The following CYRIA variants were observed in gnomAD, a reference collection of about 807,000 sequenced individuals.
CYRIA encodes the protein CYFIP related Rac1 interactor A.
A neutral mutation model predicts 43.9 loss-of-function variants in CYRIA; 15 were observed. That is an observed-to-expected ratio of 0.34 (90% CI 0.23 to 0.53). The LOEUF (loss-of-function observed/expected upper bound fraction) is 0.53. CYRIA is among the 20% of genes least tolerant of loss of function. The pLI, the probability that CYRIA is intolerant of heterozygous loss-of-function variation, is 0.94. For synonymous variants in CYRIA, 117 were observed against 136.0 expected, an observed-to-expected ratio of 0.86 and a Z score of 0.97; for missense variants, 236 against 394.2, an observed-to-expected ratio of 0.60 and a Z score of 3.40.
intron 1 of CYRIA, among the ~76,000 whole-genome samples, chr2:16,633,444 C>T (rs1051659515): frequency 4.6e-5 from 7 of 150,834 alleles, no homozygotes; most frequent in Admixed American, 1.3e-4. Context: ...GACAGGGTCT[C>T]GTTCTGTCAC....
chr2:16,611,983 CA>C (rs1485648222), intron 2 of CYRIA, among the ~76,000 whole-genome samples: 3 of 152,148 alleles, frequency 2.0e-5, no homozygotes, highest in Admixed American at 2.0e-4. Context: ...CCCAGTCCTG[CA>C]GGGGGGACTC....
intron 2 of CYRIA, among the ~76,000 whole-genome samples, chr2:16,609,288 G>C (rs377364888): frequency 1.2e-4 from 18 of 152,124 alleles, no homozygotes; most frequent in African/African-American, 4.3e-4. Context: ...GGGACCCCTG[G>C]GGCCCCAGGC....
At chr2:16,578,555 G>A (rs985180323) in intron 3 of CYRIA, among the ~76,000 whole-genome samples, 1 of 152,136 alleles carries the variant, frequency 6.6e-6, no homozygotes, top group Non-Finnish European at 1.5e-5. Flanking sequence ...TATTTATTAG[G>A]TTGGTGCAAA....
At chr2:16,644,280 G>A (rs190099215) in intron 1 of CYRIA, among the ~76,000 whole-genome samples, 199 of 152,290 alleles carry the variant, frequency 1.3e-3, no homozygotes, top group African/African-American at 2.4e-3. Flanking sequence ...GTAGAGAGCC[G>A]ATGTGAGTGA....
intron 2 of CYRIA, chr2:16,623,162 T>C (rs1252745441): frequency 6.6e-6 from 1 of 152,336 alleles, no homozygotes; most frequent in East Asian, 1.9e-4. Flanking sequence ...TGTGTTAATA[T>C]ACCACAATCC....
chr2:16,606,355 T>C lies in CYRIA; in HGVS notation c.-11+17509A>G, dbSNP rs924165519. Among the ~76,000 whole-genome samples the C allele has an allele frequency of 4.6e-5, 7 of 151,426 alleles. No homozygotes were observed. In the East Asian group the frequency reaches 7.8e-4, roughly 17 times the overall value. ...CCCTTAGATCCATTCCTCTTCCCGA[T>C]GCCCTTCTCTTGGGTGTCCTCCTCC... On this transcript the variant is annotated intron_variant, in intron 2 of 11. Coordinates refer to ENST00000381323, the MANE Select transcript of CYRIA (RefSeq NM_030797.4).
intron 1 of CYRIA, among the ~76,000 whole-genome samples, chr2:16,625,020 G>C (rs1669114729): frequency 6.6e-6 from 1 of 152,192 alleles, no homozygotes. Context: ...TATATAGTTT[G>C]TTACTAGGGC....
At chr2:16,555,027 G>T (rs370310554) in intron 11 of CYRIA, 42 bp downstream of exon 11, 147 of 1,558,886 alleles carry the variant, frequency 9.4e-5, no homozygotes, top group Non-Finnish European at 1.3e-4. Flanking sequence ...GGCCCTGAAA[G>T]GCTGGCTGTT....
chr2:16,582,195 C>T (rs1243005596), intron 3 of CYRIA, among the ~76,000 whole-genome samples: 1 of 151,874 alleles, frequency 6.6e-6, no homozygotes, highest in African/African-American at 2.4e-5. Context: ...TAAATTATGT[C>T]CCAATGAAAA....
At chr2:16,611,263 G>A (rs551902242) in intron 2 of CYRIA, among the ~76,000 whole-genome samples, 9 of 152,064 alleles carry the variant, frequency 5.9e-5, no homozygotes, top group Non-Finnish European at 1.2e-4. Context: ...TACTTGGGAG[G>A]CTGAGGCAGG....
chr2:16,607,394 G>C (rs1216754646), intron 2 of CYRIA, among the ~76,000 whole-genome samples: 1 of 152,180 alleles, frequency 6.6e-6, no homozygotes, highest in African/African-American at 2.4e-5. Context: ...GACGAAGTTA[G>C]CCATGGTTAG....
chr2:16,586,647 C>G (rs967882544), intron 3 of CYRIA, among the ~76,000 whole-genome samples: 3 of 101,672 alleles, frequency 3.0e-5, no homozygotes, highest in African/African-American at 1.6e-4. Context: ...GCCAAAGACA[C>G]CAAAAAAAAA....
intron 2 of CYRIA, among the ~76,000 whole-genome samples, chr2:16,593,822 C>A (rs1248914717): frequency 1.4e-5 from 2 of 145,636 alleles, no homozygotes; most frequent in East Asian, 4.0e-4. Context: ...GTGCGCTGCA[C>A]CCACTAATGT....
chr2:16,663,986 A>T (rs1423717009), intron 1 of CYRIA, among the ~76,000 whole-genome samples: 1 of 152,242 alleles, frequency 6.6e-6, no homozygotes, highest in East Asian at 1.9e-4. Context: ...AATCAATGTG[A>T]CCTTAGGGAA....
At chr2:16,660,860 G>A (rs1670234066) in intron 1 of CYRIA, among the ~76,000 whole-genome samples, 1 of 152,220 alleles carries the variant, frequency 6.6e-6, no homozygotes, top group Admixed American at 6.5e-5. Flanking sequence ...TAAACACACT[G>A]CTGGGAAACA....
intron 10 of CYRIA, 22 bp downstream of exon 10, chr2:16,559,438 C>T (rs1666647422): frequency 2.5e-6 from 4 of 1,608,014 alleles, no homozygotes; most frequent in African/African-American, 1.3e-5. Flanking sequence ...ATTTGGAAAG[C>T]ACATTTCACA....
chr2:16,598,884 T>A (rs1223723738), intron 2 of CYRIA, among the ~76,000 whole-genome samples: 1 of 124,500 alleles, frequency 8.0e-6, no homozygotes, highest in Non-Finnish European at 1.6e-5. Context: ...TGGTCTTTGA[T>A]GATGGTGATG....
chr2:16,583,659 C>A (rs911861064), intron 3 of CYRIA, among the ~76,000 whole-genome samples: 3 of 152,206 alleles, frequency 2.0e-5, no homozygotes, highest in Non-Finnish European at 4.4e-5. Flanking sequence ...AGACATACTT[C>A]TTCCTGTAAA....
At chr2:16,553,554 C>T (rs1470433786) in intron 11 of CYRIA, among the ~76,000 whole-genome samples, 1 of 152,052 alleles carries the variant, frequency 6.6e-6, no homozygotes, top group East Asian at 1.9e-4. Flanking sequence ...AAACTTTGGC[C>T]AGGTCATGGG....
Sources: allele counts gnomAD v4.1 joint callset (sites outside exome capture counted in the v4.1 genomes callset), GRCh38; gene constraint gnomAD v4.1.1; transcripts MANE v1.5; gene names NCBI Gene and HGNC (gene_info 2026-07-23, HGNC 2026-07-21).